The following STK32B variants were observed in gnomAD, a reference collection of about 807,000 sequenced individuals.
STK32B encodes serine/threonine kinase 32B.
In STK32B, 43 loss-of-function variants were observed where a neutral mutation model predicts 52.6. The observed-to-expected ratio is 0.82, with a 90% CI of 0.64 to 1.05. STK32B has a LOEUF of 1.05. Ranked by LOEUF, STK32B falls within the 50% of genes least tolerant of loss-of-function variation. The pLI is 0.00. For synonymous variants in STK32B, 238 were observed against 204.3 expected (o/e 1.17, Z -1.41); for missense variants, 621 against 534.6 (o/e 1.16, Z -1.59).
chr4:5,297,971 G>T (rs1478873519), intron 3 of STK32B, among the ~76,000 whole-genome samples: 2 of 152,128 alleles, frequency 1.3e-5, no homozygotes, highest in Non-Finnish European at 2.9e-5. Context: ...GCTTTTGCAT[G>T]GGCATCCTTT....
chr4:5,499,079 G>A lies in STK32B; in HGVS notation c.1241G>A (p.Ser414Asn). Residue 414 changes from serine (S) to asparagine (N), a missense_variant, in exon 12 of 12, where the codon AGC (serine) becomes AAC (asparagine). Transcript: ENST00000282908. ...CACACCTGCACCCGTGGCTGCAGCA[G>A]CTGAGCCCACACTTGTTGCTGCTCA... ...LTHTCTRGCS[S>N] 1 of 1,609,052 alleles carries A rather than the reference G, an allele frequency of 6.2e-7. No homozygotes were observed. The highest frequency in any genetic ancestry group is 1.1e-5 in the South Asian group (1 of 90,232).
intron 4 of STK32B, among the ~76,000 whole-genome samples, chr4:5,333,321 T>C (rs1732402718): frequency 6.6e-6 from 1 of 152,144 alleles, no homozygotes; most frequent in South Asian, 2.1e-4. Context: ...CACTTTTTGA[T>C]GGGGTTGTTT....
At chr4:5,389,447 C>T (rs1351476354) in intron 4 of STK32B, among the ~76,000 whole-genome samples, 2 of 152,204 alleles carry the variant, frequency 1.3e-5, no homozygotes, top group East Asian at 3.9e-4. Flanking sequence ...TTGCAGATGG[C>T]TGCCTTCTTG....
intron 11 of STK32B, among the ~76,000 whole-genome samples, chr4:5,497,748 T>C (rs1008063996): frequency 2.0e-5 from 3 of 152,156 alleles, no homozygotes; most frequent in Non-Finnish European, 4.4e-5. Flanking sequence ...GTGACCTGTC[T>C]AAGGGCATAG....
chr4:5,239,789 A>T (rs373240915), intron 3 of STK32B, among the ~76,000 whole-genome samples: 25 of 152,030 alleles, frequency 1.6e-4, no homozygotes, highest in African/African-American at 6.0e-4. Flanking sequence ...ATGAATGACT[A>T]AAGGTTAAAA....
At chr4:5,066,034 A>AT (rs1307680130) in intron 1 of STK32B, among the ~76,000 whole-genome samples, 8 of 152,036 alleles carry the variant, frequency 5.3e-5, no homozygotes, top group East Asian at 1.9e-4. Flanking sequence ...AGACTCAATA[A>AT]TTTTTTACCT....
the STK32B span, among the ~76,000 whole-genome samples, chr4:5,034,173 C>T: frequency 3.9e-5 from 6 of 152,334 alleles, no homozygotes; most frequent in East Asian, 9.6e-4. Flanking sequence ...TGGACTCTTA[C>T]GTAAAGTTCC....
chr4:5,278,866 G>A (rs1300621491), intron 3 of STK32B, among the ~76,000 whole-genome samples: 23 of 152,034 alleles, frequency 1.5e-4, no homozygotes. Context: ...GAGCAAATGG[G>A]GAAGCACTAC....
intron 3 of STK32B, among the ~76,000 whole-genome samples, chr4:5,293,978 A>T (rs1729043035): frequency 6.6e-6 from 1 of 152,156 alleles, no homozygotes; most frequent in African/African-American, 2.4e-5. Flanking sequence ...GGTGTAAGGA[A>T]GGGGTCCAGT....
rs1414318212 is a variant in STK32B, at chr4:5,142,224, GATGGTTGT to G, written c.108+2269_108+2276del. Reference sequence around the variant, plus strand: ...CAGAAACTCATCCTCTTATGGGGTAGATGGTTGTATGGACCAATATATTCAATGGTCAA... The same window carrying G: ...CAGAAACTCATCCTCTTATGGGGTAGATGGACCAATATATTCAATGGTCAA... On this transcript the variant is annotated intron_variant, in intron 2 of 11. Transcript: ENST00000282908. Among the ~76,000 whole-genome samples the G allele has an allele frequency of 2.0e-5, 3 of 152,342 alleles. No homozygotes were observed. The East Asian group carries it at 5.8e-4, about 29-fold the overall frequency.
chr4:5,037,782 A>G, the STK32B span, among the ~76,000 whole-genome samples: 1 of 152,154 alleles, frequency 6.6e-6, no homozygotes, highest in African/African-American at 2.4e-5. Context: ...TTCAGCTTCT[A>G]CTCAGCTATG....
intron 3 of STK32B, among the ~76,000 whole-genome samples, chr4:5,265,680 T>TA (rs1196797194): frequency 2.5e-4 from 38 of 152,358 alleles, no homozygotes; most frequent in African/African-American, 8.9e-4. Context: ...TTAAATATGC[T>TA]AATAAACCTT....
At chr4:5,286,926 T>C (rs935786259) in intron 3 of STK32B, among the ~76,000 whole-genome samples, 5 of 151,182 alleles carry the variant, frequency 3.3e-5, no homozygotes, top group African/African-American at 1.2e-4. Flanking sequence ...GCCTCCCGAG[T>C]AGCTGAGATT....
intron 3 of STK32B, among the ~76,000 whole-genome samples, chr4:5,228,049 A>G (rs960439183): frequency 2.0e-5 from 3 of 152,338 alleles, no homozygotes; most frequent in African/African-American, 7.2e-5. Context: ...TTCTTGGAAT[A>G]TTCATGAATA....
At chr4:5,464,899 G>C (rs1169345331) in intron 9 of STK32B, among the ~76,000 whole-genome samples, 1 of 152,204 alleles carries the variant, frequency 6.6e-6, no homozygotes, top group Non-Finnish European at 1.5e-5. Flanking sequence ...AGGTAAAACA[G>C]GTCTGGAGAG....
chr4:5,147,408 T>G (rs1364619018), intron 2 of STK32B, among the ~76,000 whole-genome samples: 2 of 152,132 alleles, frequency 1.3e-5, no homozygotes, highest in African/African-American at 4.8e-5. Context: ...ATTCTCCCCT[T>G]TATTTATGCT....
chr4:5,431,914 T>C (rs1231842934), intron 6 of STK32B, among the ~76,000 whole-genome samples: 3 of 152,054 alleles, frequency 2.0e-5, no homozygotes, highest in Non-Finnish European at 2.9e-5. Flanking sequence ...TACTTATCTC[T>C]TCTTTCCACA....
chr4:5,346,958 CAA>C (rs897300479), intron 4 of STK32B, among the ~76,000 whole-genome samples: 3 of 152,150 alleles, frequency 2.0e-5, no homozygotes, highest in Non-Finnish European at 4.4e-5. Context: ...GAGGAACTGT[CAA>C]ACACTTATAA....
chr4:5,100,513 CT>C (rs1713675790), intron 1 of STK32B, among the ~76,000 whole-genome samples: 1 of 93,920 alleles, frequency 1.1e-5, no homozygotes, highest in Non-Finnish European at 2.5e-5. Context: ...TTTTTCTTCT[CT>C]CCTTCTTCTC....
Sources: gnomAD v4.1 joint callset for allele counts (sites outside exome capture counted in the v4.1 genomes callset) on GRCh38, gnomAD v4.1.1 for gene constraint, MANE v1.5 for transcripts, NCBI Gene and HGNC (gene_info 2026-07-23, HGNC 2026-07-21) for gene names.